Variants in KRTAP9-4 observed in about 807,000 individuals in gnomAD.
The protein encoded by KRTAP9-4 is keratin-associated protein 9-4.
A neutral mutation model predicts 12.7 loss-of-function variants in KRTAP9-4; 8 were observed. The observed-to-expected ratio is 0.63, with a 90% CI of 0.37 to 1.14. KRTAP9-4 has a LOEUF of 1.14. KRTAP9-4 is among the 50% of genes most tolerant of loss of function. The probability of loss-of-function intolerance (pLI) is 0.01; values close to 1 mark genes in which losing one functional copy is unlikely to be tolerated. For synonymous variants in KRTAP9-4, 81 were observed against 67.3 expected (o/e 1.20, Z -1.00); for missense variants, 188 against 189.1 (o/e 0.99, Z 0.03).
chr17:41,249,804 T>C lies in KRTAP9-4; in HGVS notation c.84T>C (p.Thr28=). 1.2e-6 allele frequency: 2 copies of C among 1,612,830 alleles called. No individual in the cohort carries two copies. Among genetic ancestry groups the C allele is most frequent in the South Asian group, 1.1e-5 (1 of 91,012 alleles). The change falls in exon 1 of 1, where the codon ACT becomes ACC. Residue 28 remains threonine, a synonymous_variant. Transcript: ENST00000334109. Reference sequence around the variant, plus strand: ...GGACCACCTGCTGGAAGCCCACCACTGTGACCACCTGCAGCAGCACACCCT... The same window carrying C: ...GGACCACCTGCTGGAAGCCCACCACCGTGACCACCTGCAGCAGCACACCCT... ...CCRTTCWKPT[T]VTTCSSTPCC... is the part of the protein sequence containing the mutation.
Position 41,250,144 on chromosome 17 carries a change from C to T in KRTAP9-4, c.424C>T (p.Pro142Ser), listed in dbSNP as rs376805439. 2 of 1,614,228 alleles carry T rather than the reference C, an allele frequency of 1.2e-6. No individual in the cohort carries two copies. The highest frequency in any genetic ancestry group is 1.7e-6 in the Non-Finnish European group (2 of 1,180,032). The change falls in exon 1 of 1, where the codon CCC becomes TCC. Residue 142 changes from proline to serine, a missense_variant. Coordinates refer to ENST00000334109, the MANE Select transcript of KRTAP9-4 (RefSeq NM_033191.3). ...PACCETTCFQ[P>S]TCVSSCCQPF... ...CTGCTGTGAGACCACTTGCTTCCAG[C>T]CCACCTGTGTGTCCAGCTGCTGTCA...
chr17:41,250,401 C>G lies in KRTAP9-4; in HGVS notation c.*216C>G. On this transcript the variant is annotated 3_prime_UTR_variant, in exon 1 of 1. Transcript: ENST00000334109. The stretch of plus-strand genomic sequence containing the variant: ...TTCCTTACACTTTGTGGATCATGTG[C>G]CAGCTTCGTGTGTTCTCAATTTTGA... 2 of 734,840 alleles carry G rather than the reference C, an allele frequency of 2.7e-6. No homozygotes were observed. The highest frequency in any genetic ancestry group is 2.7e-5 in the East Asian group (1 of 37,000). The allele number at this position is 734,840 out of a possible 1,614,324, so 45.5% of individuals were successfully genotyped here. A position where few individuals can be genotyped will look rare whatever the true frequency, so the allele number is the denominator to read the frequency against.
In KRTAP9-4 at chr17:41,249,986, G is replaced by A. The variant is rs759813860; in HGVS notation, c.266G>A (p.Ser89Asn). ...PCCQPTCCGS[S>N]CDQSSSCAPV... is the part of the protein sequence containing the mutation. ...TGCCAGCCCACCTGCTGTGGGTCCA[G>A]CTGTGACCAGAGCAGCTCCTGTGCA... Residue 89 changes from serine (S) to asparagine (N), a missense_variant, in exon 1 of 1, where the codon AGC becomes AAC. By Grantham distance (46) the Ser-to-Asn change is conservative (BLOSUM62 1). Coordinates refer to ENST00000334109, the MANE Select transcript of KRTAP9-4 (RefSeq NM_033191.3). The A allele has an allele frequency of 6.2e-7, 1 of 1,613,750 alleles. No homozygotes were observed. Among genetic ancestry groups the A allele is most frequent in the Non-Finnish European group, 8.5e-7 (1 of 1,180,000 alleles).
rs2016213437 is a variant in KRTAP9-4 at position 41,250,504 on chromosome 17, C to T, written c.*319C>T. On this transcript the variant is annotated 3_prime_UTR_variant, in exon 1 of 1. Transcript: ENST00000334109. ...AGGAATTTAGGTTTCTGCAACTGAT[C>T]AATAATCTTTGCAATCATATTTTTG... is the stretch of plus-strand genomic sequence containing the variant. 1.7e-6 allele frequency: 1 copy of T among 576,752 alleles called. No homozygotes were observed. Among genetic ancestry groups the T allele is most frequent in the African/African-American group, 1.9e-5 (1 of 53,424 alleles). 35.7% of individuals were successfully genotyped at this position (576,752 alleles called of 1,614,324 possible).
At position 41,250,079 on chromosome 17, in the gene KRTAP9-4, G is replaced by T; in HGVS notation, c.359G>T (p.Ser120Ile). 6.2e-7 allele frequency: 1 copy of T among 1,614,112 alleles called. No homozygotes were observed. Among genetic ancestry groups the T allele is most frequent in the South Asian group, 1.1e-5 (1 of 91,062 alleles). The change falls in exon 1 of 1, where the codon AGC becomes ATC. Residue 120 changes from serine (S) to isoleucine (I), a missense_variant. Physicochemically the swap from Ser to Ile is moderately radical, Grantham distance 142 (BLOSUM62 -2). Coordinates refer to ENST00000334109, the MANE Select transcript of KRTAP9-4 (RefSeq NM_033191.3). ...TGCCTGCCTGGTTGCCTAAACCAGA[G>T]CTGTGGCTCCAACTGCTGCCAGCCC... ...TVCLPGCLNQSCGSNCCQPCC... is the reference protein window; with the variant it reads ...TVCLPGCLNQICGSNCCQPCC...
rs753244797 is a variant in KRTAP9-4, at chr17:41,249,886, T to C, written c.166T>C (p.Cys56Arg). The stretch of plus-strand genomic sequence containing the variant: ...CTGCCAGCCTTGCTGCCGCCCAACT[T>C]GCTGTCAAAACACCTGCTGCCAGCC... ...SCCQPCCRPTCCQNTCCQPTC... is the reference protein window; with the variant it reads ...SCCQPCCRPTRCQNTCCQPTC... The change falls in exon 1 of 1, where the codon TGC becomes CGC. Residue 56 changes from cysteine (C) to arginine (R), a missense_variant. By Grantham distance (180) the Cys-to-Arg change is radical. Coordinates refer to ENST00000334109, the MANE Select transcript of KRTAP9-4 (RefSeq NM_033191.3). 6.5e-7 allele frequency: 1 copy of C among 1,542,802 alleles called. No homozygotes were observed.
rs1335384398 is a variant in KRTAP9-4, at chr17:41,249,966, G to C, written c.246G>C (p.Gln82His). The change falls in exon 1 of 1, where the codon CAG becomes CAC. Residue 82 changes from glutamine to histidine, a missense_variant. Coordinates refer to ENST00000334109, the MANE Select transcript of KRTAP9-4 (RefSeq NM_033191.3). The stretch of plus-strand genomic sequence containing the variant: ...CCTGCTGCAGCACACCCTGCTGCCA[G>C]CCCACCTGCTGTGGGTCCAGCTGTG... ...QPSCCSTPCC[Q>H]PTCCGSSCDQ... The C allele has an allele frequency of 4.3e-6, 7 of 1,613,602 alleles. No homozygotes were observed. The highest frequency in any genetic ancestry group is 5.1e-6 in the Non-Finnish European group (6 of 1,179,984).
chr17:41,250,304 G>T lies in KRTAP9-4; in HGVS notation c.*119G>T, dbSNP rs1319589084. On this transcript the variant is annotated 3_prime_UTR_variant, in exon 1 of 1. Transcript: ENST00000334109. ...ACCATGCTCTCACCCAAATTTTTAT[G>T]AATTCTCTACCTGTTTAAAATCTTG... 7.1e-6 allele frequency: 8 copies of T among 1,119,200 alleles called. No homozygotes were observed. The highest frequency in any genetic ancestry group is 1.0e-5 in the Non-Finnish European group (8 of 764,172). The allele number at this position is 1,119,200 out of a possible 1,614,324, so 69.3% of individuals were successfully genotyped here.
chr17:41,249,998 G>A lies in KRTAP9-4; in HGVS notation c.278G>A (p.Ser93Asn). 1 of 1,613,846 alleles carries A rather than the reference G, an allele frequency of 6.2e-7. No individual in the cohort carries two copies. The highest frequency in any genetic ancestry group is 8.5e-7 in the Non-Finnish European group (1 of 1,180,006). ...PTCCGSSCDQ[S>N]SSCAPVYCRR... ...TGCTGTGGGTCCAGCTGTGACCAGA[G>A]CAGCTCCTGTGCACCTGTGTACTGC... The change falls in exon 1 of 1, where the codon AGC (serine) becomes AAC (asparagine). Residue 93 changes from serine to asparagine, a missense_variant. Coordinates refer to ENST00000334109, the MANE Select transcript of KRTAP9-4 (RefSeq NM_033191.3).
rs376980210 is a variant in KRTAP9-4, at chr17:41,250,015, G to T, written c.295G>T (p.Val99Leu). The change falls in exon 1 of 1, where the codon GTG (valine) becomes TTG (leucine). Residue 99 changes from valine (V) to leucine (L), a missense_variant. Val to Leu is a conservative substitution (Grantham distance 32, BLOSUM62 1). Coordinates refer to ENST00000334109, the MANE Select transcript of KRTAP9-4 (RefSeq NM_033191.3). ...TGACCAGAGCAGCTCCTGTGCACCT[G>T]TGTACTGCAGAAGAACCTGCTACTA... ...SCDQSSSCAP[V>L]YCRRTCYYPT... The T allele has an allele frequency of 1.2e-5, 20 of 1,613,966 alleles. No individual in the cohort carries two copies. The highest frequency in any genetic ancestry group is 1.7e-5 in the Non-Finnish European group (20 of 1,179,994).
At position 41,249,857 on chromosome 17, in the gene KRTAP9-4, G is replaced by C. The variant is rs773142442; in HGVS notation, c.137G>C (p.Ser46Thr). 1 of 1,541,156 alleles carries C rather than the reference G, an allele frequency of 6.5e-7. No individual in the cohort carries two copies. Among genetic ancestry groups the C allele is most frequent in the East Asian group, 2.3e-5 (1 of 43,100 alleles). Reference protein sequence around the residue: ...PCCQPSCCVSSCCQPCCRPTC... With the variant: ...PCCQPSCCVSTCCQPCCRPTC... ...TGCCAGCCCTCCTGCTGTGTTTCCA[G>C]CTGCTGCCAGCCTTGCTGCCGCCCA... is the stretch of plus-strand genomic sequence containing the variant. Residue 46 changes from serine to threonine, a missense_variant, in exon 1 of 1, where the codon AGC (serine) becomes ACC (threonine). Ser to Thr is a moderately conservative substitution (Grantham distance 58). Coordinates refer to ENST00000334109, the MANE Select transcript of KRTAP9-4 (RefSeq NM_033191.3).
In KRTAP9-4 at chr17:41,249,837, G is replaced by A. The variant is rs1384188437; in HGVS notation, c.117G>A (p.Gln39=). 4.5e-6 allele frequency: 7 copies of A among 1,542,572 alleles called. No homozygotes were observed. The highest frequency in any genetic ancestry group is 6.2e-6 in the Non-Finnish European group (7 of 1,122,840). Residue 39 remains glutamine (Q), a synonymous_variant, in exon 1 of 1, where the codon CAG becomes CAA. Transcript: ENST00000334109. The part of the protein sequence containing the change: ...VTTCSSTPCC[Q]PSCCVSSCCQ... ...CCTGCAGCAGCACACCCTGCTGCCA[G>A]CCCTCCTGCTGTGTTTCCAGCTGCT...
chr17:41,249,947 G>A lies in KRTAP9-4; in HGVS notation c.227G>A (p.Cys76Tyr), dbSNP rs758975351. The change falls in exon 1 of 1, where the codon TGC becomes TAC. Residue 76 changes from cysteine (C) to tyrosine (Y), a missense_variant. By Grantham distance (194) the Cys-to-Tyr change is radical. Coordinates refer to ENST00000334109, the MANE Select transcript of KRTAP9-4 (RefSeq NM_033191.3). ...CVTSCCQPSC[C>Y]STPCCQPTCC... Reference sequence around the variant, plus strand: ...ACCAGCTGCTGCCAGCCTTCCTGCTGCAGCACACCCTGCTGCCAGCCCACC... The same window carrying A: ...ACCAGCTGCTGCCAGCCTTCCTGCTACAGCACACCCTGCTGCCAGCCCACC... 3.1e-6 allele frequency: 5 copies of A among 1,613,916 alleles called. No individual in the cohort carries two copies. Among genetic ancestry groups the A allele is most frequent in the Non-Finnish European group, 4.2e-6 (5 of 1,179,998 alleles).
rs138384826 is a variant in KRTAP9-4 at position 41,250,001 on chromosome 17, G to A, written c.281G>A (p.Ser94Asn). The A allele has an allele frequency of 6.2e-7, 1 of 1,613,720 alleles. No homozygotes were observed. Residue 94 changes from serine to asparagine, a missense_variant, in exon 1 of 1, where the codon AGC (serine) becomes AAC (asparagine). Transcript: ENST00000334109. The stretch of plus-strand genomic sequence containing the variant: ...TGTGGGTCCAGCTGTGACCAGAGCA[G>A]CTCCTGTGCACCTGTGTACTGCAGA... Reference protein sequence around the residue: ...TCCGSSCDQSSSCAPVYCRRT... With the variant: ...TCCGSSCDQSNSCAPVYCRRT...
chr17:41,250,529 G>T lies in KRTAP9-4; in HGVS notation c.*344G>T. On this transcript the variant is annotated 3_prime_UTR_variant, in exon 1 of 1. Coordinates refer to ENST00000334109, the MANE Select transcript of KRTAP9-4 (RefSeq NM_033191.3). ...CAATAATCTTTGCAATCATATTTTT[G>T]TTTTCAATATCCTCCTCATGGTTCT... 2 of 532,348 alleles carry T rather than the reference G, an allele frequency of 3.8e-6. No individual in the cohort carries two copies. Among genetic ancestry groups the T allele is most frequent in the Non-Finnish European group, 6.8e-6 (2 of 292,376 alleles). 33.0% of individuals were successfully genotyped at this position (532,348 alleles called of 1,614,324 possible). A position where few individuals can be genotyped will look rare whatever the true frequency, so the allele number is the denominator to read the frequency against.
In KRTAP9-4 at chr17:41,249,910, C is replaced by A; in HGVS notation, c.190C>A (p.Pro64Thr). The A allele has an allele frequency of 6.2e-7, 1 of 1,613,264 alleles. No individual in the cohort carries two copies. Among genetic ancestry groups the A allele is most frequent in the Non-Finnish European group, 8.5e-7 (1 of 1,179,504 alleles). ...TTGCTGTCAAAACACCTGCTGCCAG[C>A]CCACCTGTGTGACCAGCTGCTGCCA... ...PTCCQNTCCQ[P>T]TCVTSCCQPS... Residue 64 changes from proline to threonine, a missense_variant, in exon 1 of 1, where the codon CCC becomes ACC. Physicochemically the swap from Pro to Thr is conservative, Grantham distance 38. Transcript: ENST00000334109.
rs1359886481 is a variant in KRTAP9-4 at position 41,249,710 on chromosome 17, C to T, written c.-11C>T. The T allele has an allele frequency of 2.5e-6, 4 of 1,595,888 alleles. No individual in the cohort carries two copies. The highest frequency in any genetic ancestry group is 1.2e-5 in the South Asian group (1 of 86,700). On this transcript the variant is annotated 5_prime_UTR_variant, in exon 1 of 1. Transcript: ENST00000334109. ...CCTCTGAACAGAAGCCCACCCTCTA[C>T]CCCTGACACCATGACCCACTGTTGC... is the stretch of plus-strand genomic sequence containing the variant.
chr17:41,250,603 C>T lies in KRTAP9-4; in HGVS notation c.*418C>T, dbSNP rs1176853229. ...TAACTTTGGGTTATGTTTCTGCTAC[C>T]AGCAGAGATTCTTAGCTATATGTTT... is the stretch of plus-strand genomic sequence containing the variant. On this transcript the variant is annotated 3_prime_UTR_variant, in exon 1 of 1. Coordinates refer to ENST00000334109, the MANE Select transcript of KRTAP9-4 (RefSeq NM_033191.3). 8 of 148,934 alleles carry T rather than the reference C, an allele frequency of 5.4e-5. No homozygotes were observed. The highest frequency in any genetic ancestry group is 6.0e-5 in the South Asian group (1 of 16,552). The allele number at this position is 148,934 out of a possible 1,614,324, so 9.2% of individuals were successfully genotyped here.
Position 41,250,093 on chromosome 17 carries a change from T to G in KRTAP9-4, c.373T>G (p.Cys125Gly). 2 of 1,614,026 alleles carry G rather than the reference T, an allele frequency of 1.2e-6. No homozygotes were observed. The highest frequency in any genetic ancestry group is 1.7e-6 in the Non-Finnish European group (2 of 1,179,882). Residue 125 changes from cysteine to glycine, a missense_variant, in exon 1 of 1, where the codon TGC becomes GGC. Cys to Gly is a radical substitution (Grantham distance 159). Transcript: ENST00000334109. ...GCLNQSCGSNCCQPCCRPACC... is the reference protein window; with the variant it reads ...GCLNQSCGSNGCQPCCRPACC... The stretch of plus-strand genomic sequence containing the variant: ...CCTAAACCAGAGCTGTGGCTCCAAC[T>G]GCTGCCAGCCCTGCTGCCGCCCAGC...
Sources: allele counts gnomAD v4.1 joint callset, GRCh38; gene constraint gnomAD v4.1.1; transcripts MANE v1.5; gene names NCBI Gene and HGNC (gene_info 2026-07-23, HGNC 2026-07-21).